Variants in ROR1 observed in about 807,000 individuals in gnomAD.
ROR1 encodes the protein inactive tyrosine-protein kinase transmembrane receptor ROR1.
In ROR1, 19 loss-of-function variants were observed where a neutral mutation model predicts 78.8. That is an observed-to-expected ratio of 0.24 (90% CI 0.17 to 0.35). The LOEUF is 0.35. Ranked by LOEUF, ROR1 falls within the 10% of genes least tolerant of loss-of-function variation. ROR1 has a pLI of 1.00. For synonymous variants in ROR1, 386 were observed against 433.6 expected (o/e 0.89, Z 1.36); for missense variants, 917 against 1,177.8 (o/e 0.78, Z 3.24).
chr1:63,993,292 G>A (rs1646311067), intron 1 of ROR1, among the ~76,000 whole-genome samples: 1 of 152,110 alleles, frequency 6.6e-6, no homozygotes, highest in African/African-American at 2.4e-5. Context: ...AGAAACACTT[G>A]TCATTTGACA....
intron 1 of ROR1, among the ~76,000 whole-genome samples, chr1:63,836,574 A>T (rs567265219): frequency 6.6e-6 from 1 of 152,208 alleles, no homozygotes; most frequent in Non-Finnish European, 1.5e-5. Flanking sequence ...CAGAGGTTAT[A>T]AACAGAAAGA....
At chr1:63,852,055 A>G (rs1296567477) in intron 1 of ROR1, among the ~76,000 whole-genome samples, 1 of 152,286 alleles carries the variant, frequency 6.6e-6, no homozygotes, top group African/African-American at 2.4e-5. Flanking sequence ...TTCCAAAGGC[A>G]TATGACAAAT....
intron 1 of ROR1, among the ~76,000 whole-genome samples, chr1:64,007,142 A>T (rs1314293130): frequency 1.3e-5 from 2 of 152,146 alleles, no homozygotes; most frequent in Admixed American, 1.3e-4. Flanking sequence ...TCTTCCACTT[A>T]ATAAAGTTCA....
chr1:64,031,486 A>C (rs889261618), intron 2 of ROR1, among the ~76,000 whole-genome samples: 1 of 152,198 alleles, frequency 6.6e-6, no homozygotes, highest in African/African-American at 2.4e-5. Flanking sequence ...TCATGTGTGA[A>C]AATGTCTCCC....
At chr1:63,789,131 A>G in intron 1 of ROR1, 1 of 605,670 alleles carries the variant, frequency 1.7e-6, no homozygotes, top group Non-Finnish European at 3.2e-6. Flanking sequence ...GAGCCTGGGA[A>G]TGGACAGTCA....
chr1:64,106,333 T>G (rs192704057), intron 4 of ROR1: 2 of 152,324 alleles, frequency 1.3e-5, no homozygotes, highest in Non-Finnish European at 2.9e-5. Context: ...TTGCTGAAGT[T>G]GCTCACCAGC....
chr1:63,968,511 T>A (rs969859446), intron 1 of ROR1, among the ~76,000 whole-genome samples: 2 of 152,178 alleles, frequency 1.3e-5, no homozygotes, highest in Admixed American at 1.3e-4. Flanking sequence ...TGAGAAAAAT[T>A]ATATTTAAAA....
rs147506139 is a variant in ROR1, at chr1:63,882,735, G to C, written c.91+108227G>C. Reference sequence around the variant, plus strand: ...CCACACTGAGAAAATAGTAATGATGGGCATGAAGAGTTCTAAAAAAGTTCT... The same window carrying C: ...CCACACTGAGAAAATAGTAATGATGCGCATGAAGAGTTCTAAAAAAGTTCT... On this transcript the variant is annotated intron_variant, in intron 1 of 8. Transcript: ENST00000371079. Among the ~76,000 whole-genome samples the C allele has an allele frequency of 4.5e-3, 681 of 152,160 alleles. 19 individuals carry two copies. The highest frequency in any genetic ancestry group is 7.4e-4 in the Non-Finnish European group (50 of 68,010).
chr1:64,134,051 G>A (rs1009112310), intron 4 of ROR1, among the ~76,000 whole-genome samples: 16 of 152,148 alleles, frequency 1.1e-4, no homozygotes, highest in African/African-American at 3.9e-4. Context: ...AAACTCCATT[G>A]CCAAGCCACT....
intron 1 of ROR1, among the ~76,000 whole-genome samples, chr1:63,989,739 T>G (rs141985888): frequency 6.6e-6 from 1 of 151,886 alleles, no homozygotes; most frequent in Admixed American, 6.5e-5. Flanking sequence ...ATCATGTATA[T>G]CAGTCAATTC....
chr1:64,176,190 T>G (rs1002428918), intron 8 of ROR1, among the ~76,000 whole-genome samples: 2 of 152,218 alleles, frequency 1.3e-5, no homozygotes, highest in African/African-American at 2.4e-5. Flanking sequence ...TAAGGTCAAT[T>G]AATAAACAAC....
chr1:63,873,753 C>T (rs58381953), intron 1 of ROR1, among the ~76,000 whole-genome samples: 60,189 of 151,506 alleles, frequency 0.4, 13,071 homozygotes, highest in African/African-American at 0.58. Context: ...TAAAAAGCCA[C>T]ACTAATAGCA....
At chr1:63,989,357 A>T (rs1212809038) in intron 1 of ROR1, among the ~76,000 whole-genome samples, 6 of 152,012 alleles carry the variant, frequency 3.9e-5, no homozygotes, top group Admixed American at 3.9e-4. Context: ...TGAAATGAGA[A>T]AATTCATGTA....
intron 1 of ROR1, among the ~76,000 whole-genome samples, chr1:63,979,442 G>A (rs914362240): frequency 4.6e-5 from 7 of 152,122 alleles, no homozygotes; most frequent in African/African-American, 1.4e-4. Flanking sequence ...TGATGCAATT[G>A]GAATCCAGTG....
At chr1:63,862,398 A>G (rs963718996) in intron 1 of ROR1, among the ~76,000 whole-genome samples, 6 of 151,516 alleles carry the variant, frequency 4.0e-5, no homozygotes, top group Non-Finnish European at 8.8e-5. Flanking sequence ...TCTCAAAAAA[A>G]AAAAAAAAAA....
rs138639937 is a variant in ROR1 at position 63,879,330 on chromosome 1, A to G, written c.91+104822A>G. Among the ~76,000 whole-genome samples the G allele has an allele frequency of 2.0e-5, 3 of 152,288 alleles. No individual in the cohort carries two copies. The East Asian group carries it at 5.8e-4, about 29-fold the overall frequency. ...GCTCCCATTATGGATGATGTCTTCT[A>G]TTGTAGTTTGCCGAAGGGACAGAGT... On this transcript the variant is annotated intron_variant, in intron 1 of 8. Coordinates refer to ENST00000371079, the MANE Select transcript of ROR1 (RefSeq NM_005012.4).
chr1:64,010,256 CTCTT>C (rs67022742), intron 2 of ROR1, among the ~76,000 whole-genome samples: 106,256 of 151,552 alleles, frequency 0.7, 39,634 homozygotes, highest in East Asian at 0.94. Context: ...TCCCATAGCT[CTCTT>C]TCTTCTCTGT....
chr1:64,008,016 G>A (rs1400254120), intron 1 of ROR1, among the ~76,000 whole-genome samples: 4 of 149,658 alleles, frequency 2.7e-5, no homozygotes, highest in African/African-American at 1.0e-4. Flanking sequence ...ACATGTACAG[G>A]CTTGTTGTGA....
At chr1:63,786,360 C>T (rs1473190724) in intron 1 of ROR1, among the ~76,000 whole-genome samples, 1 of 149,130 alleles carries the variant, frequency 6.7e-6, no homozygotes, top group African/African-American at 2.5e-5. Flanking sequence ...GCAAGCTCCG[C>T]CTCCCGGGTT....
Sources: allele counts gnomAD v4.1 joint callset (sites outside exome capture counted in the v4.1 genomes callset), GRCh38; gene constraint gnomAD v4.1.1; transcripts MANE v1.5; gene names NCBI Gene and HGNC (gene_info 2026-07-23, HGNC 2026-07-21).